Variants in HYKK observed in about 807,000 individuals in gnomAD.
The protein encoded by HYKK is hydroxylysine kinase.
Under a neutral mutation model 29.7 loss-of-function variants are expected in HYKK, and 19 were observed. That is an observed-to-expected ratio of 0.64 (90% CI 0.45 to 0.94). The LOEUF is 0.94. HYKK is among the 40% of genes least tolerant of loss of function. The probability of loss-of-function intolerance (pLI) is 0.00; values close to 1 mark genes in which losing one functional copy is unlikely to be tolerated. For missense variants in HYKK, 390 were observed against 443.4 expected, an observed-to-expected ratio of 0.88 and a Z score of 1.08; for synonymous variants, 152 against 158.1, an observed-to-expected ratio of 0.96 and a Z score of 0.29.
intron 1 of HYKK, among the ~76,000 whole-genome samples, chr15:78,510,670 G>A (rs2052065609): frequency 6.6e-6 from 1 of 152,154 alleles, no homozygotes; most frequent in Non-Finnish European, 1.5e-5. Context: ...ACAGGCATAT[G>A]GTCTGATTTT....
intron 3 of HYKK, among the ~76,000 whole-genome samples, chr15:78,523,676 A>G (rs1046159273): frequency 1.3e-5 from 2 of 152,222 alleles, no homozygotes; most frequent in East Asian, 3.8e-4. Flanking sequence ...CCTTCTGCCT[A>G]TGAGCCTATA....
At position 78,515,042 on chromosome 15, in the gene HYKK, C is replaced by T. The variant is rs1431042184; in HGVS notation, c.412C>T (p.Pro138Ser). The stretch of plus-strand genomic sequence containing the variant: ...CCCAGGAAGACCCATCGCTGAGCTT[C>T]CCGTCAGCCCCCAGCTATTGTATGA... ...YLPGRPIAEL[P>S]VSPQLLYEIG... The change falls in exon 3 of 5, where the codon CCC becomes TCC. Residue 138 changes from proline to serine, a missense_variant. Transcript: ENST00000388988. 3 of 1,604,580 alleles carry T rather than the reference C, an allele frequency of 1.9e-6. No homozygotes were observed. The South Asian group carries it at 3.3e-5, about 18-fold the overall frequency.
At chr15:78,529,321 G>A (rs989265727) in intron 4 of HYKK, among the ~76,000 whole-genome samples, 2 of 152,068 alleles carry the variant, frequency 1.3e-5, no homozygotes, top group Non-Finnish European at 2.9e-5. Flanking sequence ...AAGATACTTG[G>A]GTTGTTCCTT....
At chr15:78,509,585 C>T (rs1431363815) in intron 1 of HYKK, among the ~76,000 whole-genome samples, 5 of 152,162 alleles carry the variant, frequency 3.3e-5, no homozygotes, top group Non-Finnish European at 2.9e-5. Context: ...GTTCTGACAT[C>T]GTTAACGCTT....
intron 1 of HYKK, among the ~76,000 whole-genome samples, chr15:78,511,381 A>G (rs16969920): frequency 0.016 from 2,365 of 152,166 alleles, 71 homozygotes; most frequent in East Asian, 0.066. Context: ...GGAATTACCA[A>G]GAGAAAGAAA....
At chr15:78,523,323 G>T (rs975781130) in intron 3 of HYKK, among the ~76,000 whole-genome samples, 5 of 152,248 alleles carry the variant, frequency 3.3e-5, no homozygotes, top group African/African-American at 1.2e-4. Flanking sequence ...CAAGCCGGGG[G>T]TGCTGCATAC....
At chr15:78,512,400 CTTTTTT>C (rs902963099) in intron 1 of HYKK, among the ~76,000 whole-genome samples, 96 of 125,678 alleles carry the variant, frequency 7.6e-4, no homozygotes, top group Non-Finnish European at 1.4e-3. Context: ...TTTTCTTTTT[CTTTTTT>C]TTTTTTTTTT....
intron 3 of HYKK, among the ~76,000 whole-genome samples, chr15:78,522,896 AAGAG>A (rs535795149): frequency 3.0e-4 from 45 of 152,016 alleles, no homozygotes; most frequent in Admixed American, 8.5e-4. Flanking sequence ...AAAAAGAAAA[AAGAG>A]AGAGAGAGGG....
At chr15:78,515,199 T>G in intron 3 of HYKK, 92 bp downstream of exon 3, 1 of 946,638 alleles carries the variant, frequency 1.1e-6, no homozygotes, top group Non-Finnish European at 1.5e-6. Context: ...TCTCTTTTTA[T>G]GTATGGTGCT....
At chr15:78,515,378 A>C (rs1213547959) in intron 3 of HYKK, among the ~76,000 whole-genome samples, 1 of 151,990 alleles carries the variant, frequency 6.6e-6, no homozygotes, top group African/African-American at 2.4e-5. Flanking sequence ...GAGACCAGGA[A>C]TTTGAGACCA....
rs568950527 is a variant in HYKK at position 78,520,943 on chromosome 15, G to A, written c.477+5836G>A. Among the ~76,000 whole-genome samples, 83 of 151,446 alleles carry A rather than the reference G, an allele frequency of 5.5e-4. 1 individual carries two copies. In the South Asian group the frequency reaches 0.016, roughly 29 times the overall value. ...TGACCCCCCCACCTCCCTCCCGGAC[G>A]GGGCAGCTGGCCGGGCGGGGGGCTG... On this transcript the variant is annotated intron_variant, in intron 3 of 4. Transcript: ENST00000388988.
At chr15:78,510,362 T>G (rs902346826) in intron 1 of HYKK, among the ~76,000 whole-genome samples, 1 of 151,384 alleles carries the variant, frequency 6.6e-6, no homozygotes, top group Non-Finnish European at 1.5e-5. Flanking sequence ...TTTTTTTTTA[T>G]TTTTATTTTT....
chr15:78,528,456 G>A (rs2052279710), intron 4 of HYKK: 5 of 985,178 alleles, frequency 5.1e-6, no homozygotes, highest in Non-Finnish European at 6.0e-6. Context: ...GTTTCTCTAG[G>A]CTATATTTCT....
rs1222177212 is a variant in HYKK, at chr15:78,533,447, T to C, written c.899T>C (p.Val300Ala). 6.2e-7 allele frequency: 1 copy of C among 1,614,186 alleles called. No homozygotes were observed. Among genetic ancestry groups the C allele is most frequent in the Non-Finnish European group, 8.5e-7 (1 of 1,180,004 alleles). The change falls in exon 5 of 5, where the codon GTA becomes GCA. Residue 300 changes from valine to alanine, a missense_variant. Val to Ala is a moderately conservative substitution (Grantham distance 64). Transcript: ENST00000388988. ...GFESITPLTAVEKGALFLLVC... is the reference protein window; with the variant it reads ...GFESITPLTAAEKGALFLLVC... ...GAAAGCATCACCCCACTGACAGCTG[T>C]AGAGAAGGGTGCTTTGTTTTTACTT...
intron 3 of HYKK, among the ~76,000 whole-genome samples, chr15:78,519,480 C>T (rs1302139711): frequency 2.6e-5 from 4 of 152,092 alleles, no homozygotes; most frequent in African/African-American, 4.8e-5. Flanking sequence ...TTGAACTGGG[C>T]CGGGCACAGT....
At chr15:78,517,789 C>A (rs1018500263) in intron 3 of HYKK, among the ~76,000 whole-genome samples, 1 of 152,106 alleles carries the variant, frequency 6.6e-6, no homozygotes, top group Non-Finnish European at 1.5e-5. Flanking sequence ...TACTACTGAT[C>A]AAAATCCTTC....
At chr15:78,527,696 TA>T in intron 4 of HYKK, 133 bp downstream of exon 4, 2 of 1,411,292 alleles carry the variant, frequency 1.4e-6, no homozygotes, top group Non-Finnish European at 1.8e-6. Flanking sequence ...TATTGCTTTT[TA>T]AATAATAATA....
chr15:78,513,507 A>C (rs1264400199), intron 2 of HYKK, 82 bp downstream of exon 2: 8 of 944,060 alleles, frequency 8.5e-6, no homozygotes, highest in African/African-American at 1.6e-5. Flanking sequence ...TATGAAGAGC[A>C]GGTTCATAAT....
chr15:78,527,876 T>A (rs2052271858), intron 4 of HYKK: 2 of 369,028 alleles, frequency 5.4e-6, no homozygotes, highest in Admixed American at 1.1e-4. Flanking sequence ...CACTGTGTAT[T>A]ATTATTCTGC....
Sources: gnomAD v4.1 joint callset for allele counts (sites outside exome capture counted in the v4.1 genomes callset) on GRCh38, gnomAD v4.1.1 for gene constraint, MANE v1.5 for transcripts, NCBI Gene and HGNC (gene_info 2026-07-23, HGNC 2026-07-21) for gene names.